The following HCCS variants were observed in gnomAD, a reference collection of about 807,000 sequenced individuals.
HCCS encodes holocytochrome c synthase.
A neutral mutation model predicts 24.2 loss-of-function variants in HCCS; 2 were observed. That is an observed-to-expected ratio of 0.08 (90% CI 0.03 to 0.26). The LOEUF (loss-of-function observed/expected upper bound fraction) is 0.26. Among genes scored for constraint, HCCS ranks in the 10% least tolerant of loss-of-function variants. HCCS has a pLI of 1.00. For synonymous variants in HCCS, 73 were observed against 76.2 expected, an observed-to-expected ratio of 0.96 and a Z score of 0.22; for missense variants, 150 against 213.3, an observed-to-expected ratio of 0.70 and a Z score of 1.85.
At chrX:11,118,255 G>A (rs1299634323) in intron 4 of HCCS, 1 of 410,856 alleles carries the variant, frequency 2.4e-6, no homozygotes, top group African/African-American at 2.5e-5. Context: ...AGTAAAATGA[G>A]ACTAAGGTGA....
chrX:11,117,964 T>C (rs777202911), intron 4 of HCCS, among the ~76,000 whole-genome samples: 1 of 111,842 alleles, frequency 8.9e-6, no homozygotes, highest in South Asian at 3.8e-4. Flanking sequence ...GAGGGCAGTC[T>C]GCTTCACTTA....
In HCCS at chrX:11,112,087, T is replaced by C. The variant is rs777708916; in HGVS notation, c.27T>C (p.Ala9=). 1.2e-5 allele frequency: 15 copies of C among 1,209,795 alleles called. No individual in the cohort carries two copies. The highest frequency in any genetic ancestry group is 1.6e-5 in the Non-Finnish European group (14 of 893,216). The change falls in exon 2 of 7, where the codon GCT becomes GCC. Residue 9 remains alanine (A), a synonymous_variant. Transcript: ENST00000380762. MGLSPSAP[A]VAVQASNASA... ...TGGGTTTGTCTCCATCTGCTCCTGC[T>C]GTTGCAGTTCAGGCCTCAAATGCTT...
In HCCS at chrX:11,122,663, G is replaced by C. The variant is rs2045501354; in HGVS notation, c.*853G>C. On this transcript the variant is annotated 3_prime_UTR_variant, in exon 7 of 7. Coordinates refer to ENST00000380762, the MANE Select transcript of HCCS (RefSeq NM_005333.5). ...TGGCTTAAGTCCCAGTATCAGTGAT[G>C]GTCCCCCTCTAAAACATGATTTTAT... The C allele has an allele frequency of 8.9e-6, 1 of 112,115 alleles. No homozygotes were observed. The highest frequency in any genetic ancestry group is 3.3e-5 in the African/African-American group (1 of 30,703). The allele number at this position is 112,115 out of a possible 1,213,427, so 9.2% of individuals were successfully genotyped here.
rs781289834 is a variant in HCCS, at chrX:11,122,092, G to A, written c.*282G>A. On this transcript the variant is annotated 3_prime_UTR_variant, in exon 7 of 7. Transcript: ENST00000380762. Reference sequence around the variant, plus strand: ...CAGTATTGTCTGTATATTTCATCTCGAAAAGCCTGAACAACCTCTGAAAAA... The same window carrying A: ...CAGTATTGTCTGTATATTTCATCTCAAAAAGCCTGAACAACCTCTGAAAAA... 3 of 278,989 alleles carry A rather than the reference G, an allele frequency of 1.1e-5. No homozygotes were observed. Among genetic ancestry groups the A allele is most frequent in the South Asian group, 1.6e-4 (2 of 12,182 alleles). 23.0% of individuals were successfully genotyped at this position (278,989 alleles called of 1,213,427 possible). A position where few individuals can be genotyped will look rare whatever the true frequency, so the allele number is the denominator to read the frequency against.
Position 11,112,083 on chromosome X carries a change from C to T in HCCS, c.23C>T (p.Pro8Leu). 1.7e-6 allele frequency: 2 copies of T among 1,209,454 alleles called. No individual in the cohort carries two copies. Among genetic ancestry groups the T allele is most frequent in the South Asian group, 3.5e-5 (2 of 56,977 alleles). ...GCCATGGGTTTGTCTCCATCTGCTCCTGCTGTTGCAGTTCAGGCCTCAAAT... is the reference window on the plus strand; with the variant it reads ...GCCATGGGTTTGTCTCCATCTGCTCTTGCTGTTGCAGTTCAGGCCTCAAAT... MGLSPSAPAVAVQASNAS... is the reference protein window; with the variant it reads MGLSPSALAVAVQASNAS... The change falls in exon 2 of 7, where the codon CCT (proline) becomes CTT (leucine). Residue 8 changes from proline to leucine, a missense_variant. Physicochemically the swap from Pro to Leu is moderately conservative, Grantham distance 98. This residue lies in a region of HCCS where 95 missense variants were observed against 79.1 expected (regional missense o/e 1.20). Transcript: ENST00000380762.
intron 2 of HCCS, among the ~76,000 whole-genome samples, chrX:11,112,979 G>T (rs1569219242): frequency 8.9e-6 from 1 of 112,872 alleles, no homozygotes; most frequent in Non-Finnish European, 1.9e-5. Context: ...AGATCTAGCT[G>T]TCTTAATAAA....
At position 11,121,967 on chromosome X, in the gene HCCS, C is replaced by G. The variant is rs2045495533; in HGVS notation, c.*157C>G. 2 of 485,330 alleles carry G rather than the reference C, an allele frequency of 4.1e-6. No individual in the cohort carries two copies. The highest frequency in any genetic ancestry group is 5.9e-5 in the Admixed American group (2 of 33,657). 40.0% of individuals were successfully genotyped at this position (485,330 alleles called of 1,213,427 possible). On this transcript the variant is annotated 3_prime_UTR_variant, in exon 7 of 7. Transcript: ENST00000380762. ...AACGAAGGATACTATGCACTGTTCA[C>G]TTTTGACTTGTGTTGTACCTTGCAG... is the stretch of plus-strand genomic sequence containing the variant.
At chrX:11,120,150 TG>T (rs2045480341) in intron 5 of HCCS, 4 of 236,271 alleles carry the variant, frequency 1.7e-5, no homozygotes, top group Non-Finnish European at 3.2e-5. Flanking sequence ...TTGTTATCCA[TG>T]GGAGCAGCTA....
At chrX:11,113,350 A>G (rs1375146871) in intron 2 of HCCS, among the ~76,000 whole-genome samples, 1 of 112,401 alleles carries the variant, frequency 8.9e-6, no homozygotes, top group African/African-American at 3.2e-5. Flanking sequence ...TGCCTGATAG[A>G]GCTTACATTC....
chrX:11,120,820 A>T, intron 5 of HCCS, 87 bp from the exon 6 acceptor site: 1 of 746,933 alleles, frequency 1.3e-6, no homozygotes, highest in South Asian at 2.1e-5. Context: ...ACAGGAAAAA[A>T]ATGGATATTA....
chrX:11,116,574 T>C (rs2045449997), intron 3 of HCCS, among the ~76,000 whole-genome samples: 1 of 112,916 alleles, frequency 8.9e-6, no homozygotes, highest in Non-Finnish European at 1.9e-5. Flanking sequence ...TTCCCAACCT[T>C]GGGTGATTTT....
intron 2 of HCCS, among the ~76,000 whole-genome samples, chrX:11,113,664 A>G (rs2045428444): frequency 8.9e-6 from 1 of 112,304 alleles, no homozygotes; most frequent in Admixed American, 9.4e-5. Context: ...GAGCTGCCAG[A>G]CTTACTACAT....
At chrX:11,117,230 T>G in intron 3 of HCCS, 37 bp from the exon 4 acceptor site, 1 of 1,165,646 alleles carries the variant, frequency 8.6e-7, no homozygotes, top group African/African-American at 1.8e-5. Flanking sequence ...CCTTTTACTT[T>G]ATATCCTATA....
rs754033072 is a variant in HCCS, at chrX:11,114,902, C to A, written c.168C>A (p.His56Gln). ...AGAAAACATACTCTGTGCCTGCCCA[C>A]CAGGAACGCGCCTATGAGTACGTGG... ...CEKKTYSVPAHQERAYEYVEC... is the reference protein window; with the variant it reads ...CEKKTYSVPAQQERAYEYVEC... The change falls in exon 3 of 7, where the codon CAC becomes CAA. Residue 56 changes from histidine (H) to glutamine (Q), a missense_variant. By Grantham distance (24) the His-to-Gln change is conservative. Coordinates refer to ENST00000380762, the MANE Select transcript of HCCS (RefSeq NM_005333.5). The A allele has an allele frequency of 8.3e-7, 1 of 1,205,462 alleles. No homozygotes were observed. Among genetic ancestry groups the A allele is most frequent in the South Asian group, 1.8e-5 (1 of 56,847 alleles).
intron 5 of HCCS, 139 bp downstream of exon 5, chrX:11,118,759 A>G: frequency 1.5e-6 from 1 of 649,039 alleles, no homozygotes; most frequent in Non-Finnish European, 2.5e-6. Context: ...TTGTTGCATG[A>G]CAGGCCACCC....
intron 3 of HCCS, among the ~76,000 whole-genome samples, chrX:11,116,827 G>A (rs189629290): frequency 2.1e-4 from 24 of 112,684 alleles, no homozygotes; most frequent in African/African-American, 6.4e-4. Context: ...TGAAGCATAA[G>A]CAGAAACCTA....
chrX:11,118,499 A>AAG lies in HCCS; in HGVS notation c.402-2_402-1insAG. The AAG allele has an allele frequency of 8.4e-7, 1 of 1,193,576 alleles. No homozygotes were observed. The highest frequency in any genetic ancestry group is 1.7e-5 in the African/African-American group (1 of 57,491). On this transcript the variant is annotated splice_acceptor_variant, in intron 4 of 6. Coordinates refer to ENST00000380762, the MANE Select transcript of HCCS (RefSeq NM_005333.5). LOFTEE classifies it high-confidence loss of function. ...CAAATTTTACCAAATATTCTTTCCT[A>AAG]GGTGGAAGTGGAAGGATGAGGATAT...
In HCCS at chrX:11,114,824, G is replaced by C. The variant is rs374267052; in HGVS notation, c.101-11G>C. On this transcript the variant is annotated splice_polypyrimidine_tract_variant and intron_variant, in intron 2 of 6. Coordinates refer to ENST00000380762, the MANE Select transcript of HCCS (RefSeq NM_005333.5). ...TCATGGTGACACCATTTTTATACTT[G>C]ATTATTTCAGGCTGTCCAGTGAATA... The C allele has an allele frequency of 1.9e-4, 230 of 1,204,230 alleles. No homozygotes were observed. In the East Asian group the frequency reaches 3.1e-3, roughly 16 times the overall value.
At position 11,114,978 on chromosome X, in the gene HCCS, T is replaced by C. The variant is rs148710012; in HGVS notation, c.244T>C (p.Ser82Pro). Residue 82 changes from serine to proline, a missense_variant, in exon 3 of 7, where the codon TCA (serine) becomes CCA (proline). Ser to Pro is a moderately conservative substitution (Grantham distance 74). Transcript: ENST00000380762. ...AAENKENLDP[S>P]NLMPPPNQTP... ...TGAGAATAAGGAGAACCTAGATCCT[T>C]CAAATCTGGTAATCCACACTCATCT... is the stretch of plus-strand genomic sequence containing the variant. The C allele has an allele frequency of 3.3e-6, 4 of 1,207,755 alleles. No individual in the cohort carries two copies. The highest frequency in any genetic ancestry group is 4.5e-6 in the Non-Finnish European group (4 of 891,806).
Sources: gnomAD v4.1 joint callset for allele counts (sites outside exome capture counted in the v4.1 genomes callset) on GRCh38, gnomAD v4.1.1 for gene constraint, gnomAD v4.1.1 regional missense constraint, MANE v1.5 for transcripts, NCBI Gene and HGNC (gene_info 2026-07-23, HGNC 2026-07-21) for gene names.